Variants in HECW1 observed in about 807,000 individuals in gnomAD.
HECW1 encodes HECT, C2 and WW domain containing E3 ubiquitin protein ligase 1.
In HECW1, 61 loss-of-function variants were observed where a neutral mutation model predicts 182.3. That is an observed-to-expected ratio of 0.33 (90% CI 0.27 to 0.41). The LOEUF is 0.41. Ranked by LOEUF, HECW1 falls within the 10% of genes least tolerant of loss-of-function variation. The pLI is 1.00. For missense variants in HECW1, 1,739 were observed against 2,108.9 expected (o/e 0.82, Z 3.44); for synonymous variants, 859 against 832.6 (o/e 1.03, Z -0.55).
At chr7:43,239,364 T>A (rs1798665368) in intron 2 of HECW1, 2 of 152,228 alleles carry the variant, frequency 1.3e-5, no homozygotes. Context: ...TAGTGTGACA[T>A]TTCAGGAATT....
chr7:43,155,486 A>G (rs1352689250), intron 2 of HECW1, among the ~76,000 whole-genome samples: 1 of 152,236 alleles, frequency 6.6e-6, no homozygotes, highest in Non-Finnish European at 1.5e-5. Flanking sequence ...AATTCATCTT[A>G]TAAGGAAATT....
In HECW1 at chr7:43,445,339, G is replaced by A; in HGVS notation, c.2167G>A (p.Asp723Asn). ...CAGCCACACGCGCTTCTCCTCCGTG[G>A]ACAGCGCCAAGATCTCCGAGAGCAC... Reference protein sequence around the residue: ...FASHTRFSSVDSAKISESTVF... With the variant: ...FASHTRFSSVNSAKISESTVF... Residue 723 changes from aspartate to asparagine, a missense_variant, in exon 11 of 30, where the codon GAC (aspartate) becomes AAC (asparagine). Asp to Asn is a conservative substitution (Grantham distance 23, BLOSUM62 1). This residue lies in a region of HECW1 where 971 missense variants were observed against 1,029.1 expected (regional missense o/e 0.94). Coordinates refer to ENST00000395891, the MANE Select transcript of HECW1 (RefSeq NM_015052.5). 6.2e-7 allele frequency: 1 copy of A among 1,613,826 alleles called. No homozygotes were observed. Among genetic ancestry groups the A allele is most frequent in the Non-Finnish European group, 8.5e-7 (1 of 1,180,034 alleles).
rs183456447 is a variant in HECW1 at position 43,267,261 on chromosome 7, A to G, written c.27+23329A>G. On this transcript the variant is annotated intron_variant, in intron 3 of 29. Transcript: ENST00000395891. Reference sequence around the variant, plus strand: ...AGAACATCCTCAATAAATTTCAAAAAGGAGAAATTATTGAAGGCACATTTT... The same window carrying G: ...AGAACATCCTCAATAAATTTCAAAAGGGAGAAATTATTGAAGGCACATTTT... Among the ~76,000 whole-genome samples, 309 of 152,332 alleles carry G rather than the reference A, an allele frequency of 2.0e-3. 1 individual carries two copies. Among genetic ancestry groups the G allele is most frequent in the Non-Finnish European group, 3.5e-3 (237 of 68,006 alleles).
chr7:43,147,157 A>G (rs1283795892), intron 2 of HECW1, among the ~76,000 whole-genome samples: 1 of 152,236 alleles, frequency 6.6e-6, no homozygotes, highest in African/African-American at 2.4e-5. Flanking sequence ...CTAAAGAATA[A>G]TAGGTAGTTC....
chr7:43,450,982 C>T (rs1475429587), intron 12 of HECW1, 53 bp downstream of exon 12: 2 of 1,234,178 alleles, frequency 1.6e-6, no homozygotes, highest in Non-Finnish European at 2.4e-6. Context: ...CAAGTCTAAG[C>T]AGGTCAGTAT....
intron 2 of HECW1, among the ~76,000 whole-genome samples, chr7:43,211,420 C>T (rs1341396395): frequency 1.3e-5 from 2 of 152,118 alleles, no homozygotes; most frequent in East Asian, 1.9e-4. Context: ...ATGCTCCATG[C>T]GGGCACCCTG....
intron 2 of HECW1, among the ~76,000 whole-genome samples, chr7:43,172,030 C>A (rs1791744584): frequency 6.6e-6 from 1 of 151,622 alleles, no homozygotes; most frequent in Non-Finnish European, 1.5e-5. Context: ...GTAATCCCAG[C>A]ACTTTGGGAG....
In HECW1 at chr7:43,479,742, G is replaced by A. The variant is rs1174545451; in HGVS notation, c.3232G>A (p.Glu1078Lys). 6.2e-7 allele frequency: 1 copy of A among 1,613,896 alleles called. No individual in the cohort carries two copies. The highest frequency in any genetic ancestry group is 1.7e-5 in the Admixed American group (1 of 60,000). ...LQRLRSYSAG[E>K]ASEVSRNRGA... ...GAGGCTCCGAAGTTACAGCGCTGGA[G>A]AGGTAACCCTCCCTACACCCCGCCC... The change falls in exon 17 of 30, where the codon GAG becomes AAG. Residue 1078 changes from glutamate to lysine, a missense_variant and splice_region_variant. Physicochemically the swap from Glu to Lys is moderately conservative, Grantham distance 56. Coordinates refer to ENST00000395891, the MANE Select transcript of HECW1 (RefSeq NM_015052.5).
chr7:43,198,366 C>A (rs1163264877), intron 2 of HECW1, among the ~76,000 whole-genome samples: 2 of 150,544 alleles, frequency 1.3e-5, no homozygotes, highest in East Asian at 2.0e-4. Context: ...ACACCCCACG[C>A]TCTCACACAC....
intron 7 of HECW1, among the ~76,000 whole-genome samples, chr7:43,404,084 T>C (rs955151292): frequency 6.6e-6 from 1 of 152,210 alleles, no homozygotes; most frequent in South Asian, 2.1e-4. Context: ...AAGAGTTAAA[T>C]TGGTTTACTC....
intron 8 of HECW1, among the ~76,000 whole-genome samples, chr7:43,419,586 T>C (rs748479798): frequency 1.3e-5 from 2 of 152,172 alleles, no homozygotes; most frequent in African/African-American, 4.8e-5. Context: ...AGCCACCACA[T>C]TGACAATATA....
rs543530126 is a variant in HECW1 at position 43,451,947 on chromosome 7, C to A, written c.2500+1018C>A. Among the ~76,000 whole-genome samples, 100 of 152,318 alleles carry A rather than the reference C, an allele frequency of 6.6e-4. No homozygotes were observed. The Middle Eastern group carries it at 0.031, about 47-fold the overall frequency. On this transcript the variant is annotated intron_variant, in intron 12 of 29. Coordinates refer to ENST00000395891, the MANE Select transcript of HECW1 (RefSeq NM_015052.5). ...AAGGAGAAGTGCTTATTTCTTAGTT[C>A]ATCTGTTCTTGGTAATGTGCTGTAC...
chr7:43,330,963 TTTTATTTA>T (rs59715518), intron 5 of HECW1, among the ~76,000 whole-genome samples: 2,058 of 151,912 alleles, frequency 0.014, 15 homozygotes, highest in Non-Finnish European at 0.022. Context: ...AAGGGAAGTC[TTTTATTTA>T]TTTATTTATT....
rs35199868 is a variant in HECW1, at chr7:43,213,439, ATT to A, written c.-31-30413_-31-30412del. ...ACACTTAGAGCTGGTGATCATAAGAATTTTTTTTTTTTTTTTTTTTTTTTGAG... is the reference window on the plus strand; with the variant it reads ...ACACTTAGAGCTGGTGATCATAAGAATTTTTTTTTTTTTTTTTTTTTTGAG... On this transcript the variant is annotated intron_variant, in intron 2 of 29. Coordinates refer to ENST00000395891, the MANE Select transcript of HECW1 (RefSeq NM_015052.5). Among the ~76,000 whole-genome samples, 891 of 92,496 alleles carry A rather than the reference ATT, an allele frequency of 9.6e-3. 1 individual carries two copies. Among genetic ancestry groups the A allele is most frequent in the African/African-American group, 0.025 (602 of 24,308 alleles). The allele number at this position is 92,496 out of a possible 152,430, so 60.7% of individuals were successfully genotyped here.
chr7:43,123,426 G>T (rs1022200540), intron 2 of HECW1, among the ~76,000 whole-genome samples: 21 of 152,196 alleles, frequency 1.4e-4, no homozygotes, highest in African/African-American at 4.8e-4. Context: ...AGAGACCACT[G>T]CTGTAGGAAC....
At chr7:43,361,866 C>A (rs1389947426) in intron 6 of HECW1, among the ~76,000 whole-genome samples, 1 of 129,016 alleles carries the variant, frequency 7.8e-6, no homozygotes, top group Non-Finnish European at 1.6e-5. Flanking sequence ...ACAGGCCAGG[C>A]GCAGTGGCTC....
At chr7:43,208,821 C>T (rs1405186055) in intron 2 of HECW1, among the ~76,000 whole-genome samples, 3 of 152,136 alleles carry the variant, frequency 2.0e-5, no homozygotes, top group African/African-American at 7.2e-5. Flanking sequence ...AGGTGTCTGG[C>T]TTCCAGCATG....
At chr7:43,343,699 C>T (rs1584552434) in intron 5 of HECW1, among the ~76,000 whole-genome samples, 1 of 151,830 alleles carries the variant, frequency 6.6e-6, no homozygotes, top group East Asian at 1.9e-4. Context: ...CAAGTCTTTG[C>T]TATTGTGAAT....
At chr7:43,482,681 G>A (rs2078481410) in intron 17 of HECW1, among the ~76,000 whole-genome samples, 1 of 152,098 alleles carries the variant, frequency 6.6e-6, no homozygotes. Context: ...TGAGATGGGA[G>A]CATCACTTGA....
Sources: gnomAD v4.1 joint callset for allele counts (sites outside exome capture counted in the v4.1 genomes callset) on GRCh38, gnomAD v4.1.1 for gene constraint, gnomAD v4.1.1 regional missense constraint, MANE v1.5 for transcripts, NCBI Gene and HGNC (gene_info 2026-07-23, HGNC 2026-07-21) for gene names.